XYLT1: variants seen among roughly 807,000 people sequenced by gnomAD.
XYLT1 encodes xylosyltransferase 1.
A neutral mutation model predicts 91.3 loss-of-function variants in XYLT1; 36 were observed. That is an observed-to-expected ratio of 0.39 (90% CI 0.30 to 0.52). The LOEUF is 0.52. Ranked by LOEUF, XYLT1 falls within the 20% of genes least tolerant of loss-of-function variation. The probability of loss-of-function intolerance (pLI) is 0.68; values close to 1 mark genes in which losing one functional copy is unlikely to be tolerated. For synonymous variants in XYLT1, 588 were observed against 532.0 expected (o/e 1.11, Z -1.45); for missense variants, 1,242 against 1,284.5 (o/e 0.97, Z 0.51).
At chr16:17,322,290 C>T (rs181072956) in intron 2 of XYLT1, among the ~76,000 whole-genome samples, 1 of 152,298 alleles carries the variant, frequency 6.6e-6, no homozygotes, top group Admixed American at 6.5e-5. Flanking sequence ...CCAGCTCACA[C>T]CTCCTAAGCC....
Position 17,108,914 on chromosome 16 carries a change from C to G in XYLT1, c.2661G>C (p.Gln887His), listed in dbSNP as rs1204890649. ...PVLSLPINPA[Q>H]VEQARRNAAS... ...CTGCGTTCCTCCGTGCCTGTTCCAC[C>G]TGGGCGGGGTTGATGGGCAGGCTGA... Residue 887 changes from glutamine to histidine, a missense_variant, in exon 12 of 12, where the codon CAG (glutamine) becomes CAC (histidine). Gln to His is a conservative substitution (Grantham distance 24, BLOSUM62 0). Around this residue, in one of 3 missense-constraint regions of XYLT1, gnomAD observed 511 missense variants for 497.0 expected, o/e 1.03. Transcript: ENST00000261381. 1 of 1,604,368 alleles carries G rather than the reference C, an allele frequency of 6.2e-7. No individual in the cohort carries two copies. The highest frequency in any genetic ancestry group is 2.2e-5 in the East Asian group (1 of 44,602).
intron 11 of XYLT1, among the ~76,000 whole-genome samples, chr16:17,116,874 C>A (rs753378310): frequency 6.6e-6 from 1 of 152,156 alleles, no homozygotes; most frequent in Non-Finnish European, 1.5e-5. Flanking sequence ...TTTCAATTTT[C>A]ATTTCTCCCA....
intron 1 of XYLT1, among the ~76,000 whole-genome samples, chr16:17,433,886 C>T (rs1389918076): frequency 6.6e-6 from 1 of 152,154 alleles, no homozygotes; most frequent in Non-Finnish European, 1.5e-5. Flanking sequence ...CCCCCACCCC[C>T]GCTTTTTTTT....
chr16:17,292,069 C>T (rs1266028767), intron 2 of XYLT1, among the ~76,000 whole-genome samples: 1 of 145,896 alleles, frequency 6.9e-6, no homozygotes, highest in East Asian at 1.9e-4. Context: ...CATGGTGGTG[C>T]CCACTAAACC....
At chr16:17,322,774 A>G (rs1025378972) in intron 2 of XYLT1, among the ~76,000 whole-genome samples, 8 of 152,066 alleles carry the variant, frequency 5.3e-5, no homozygotes, top group Admixed American at 3.9e-4. Flanking sequence ...AGCATTTCAC[A>G]CTTTAAAAGA....
At chr16:17,410,803 C>T (rs1438885475) in intron 1 of XYLT1, among the ~76,000 whole-genome samples, 4 of 152,002 alleles carry the variant, frequency 2.6e-5, no homozygotes, top group East Asian at 3.9e-4. Flanking sequence ...TCAGCATGCC[C>T]GGCTAATTTT....
At chr16:17,291,859 G>C (rs548206144) in intron 2 of XYLT1, among the ~76,000 whole-genome samples, 3 of 152,034 alleles carry the variant, frequency 2.0e-5, no homozygotes, top group Admixed American at 6.6e-5. Flanking sequence ...GTGTGGGGAC[G>C]AGGTGTGGTA....
At chr16:17,379,763 TCACACACACACACACACACA>T (rs71137987) in intron 1 of XYLT1, among the ~76,000 whole-genome samples, 2 of 125,546 alleles carry the variant, frequency 1.6e-5, no homozygotes, top group African/African-American at 6.3e-5. Context: ...TCTCTCTCTC[TCACACACACACACACACACA>T]CACACACACA....
In XYLT1 at chr16:17,141,180, G is replaced by C; in HGVS notation, c.1560C>G (p.Phe520Leu). 2 of 1,614,210 alleles carry C rather than the reference G, an allele frequency of 1.2e-6. No individual in the cohort carries two copies. Among genetic ancestry groups the C allele is most frequent in the Middle Eastern group, 1.6e-4 (1 of 6,062 alleles). Residue 520 changes from phenylalanine (F) to leucine (L), a missense_variant, in exon 7 of 12, where the codon TTC (phenylalanine) becomes TTG (leucine). Phe to Leu is a conservative substitution (Grantham distance 22, BLOSUM62 0). This residue lies in a region of XYLT1 where 294 missense variants were observed against 376.0 expected (regional missense o/e 0.78). Transcript: ENST00000261381. ...CAGCAGGAAGCAGGGTGTAGGAGTA[G>C]AACTGTTTCATCTTGGTCACCAGAT... ...TDDLVTKMKQ[F>L]YSYTLLPAES...
intron 3 of XYLT1, among the ~76,000 whole-genome samples, chr16:17,207,210 A>G (rs1166632249): frequency 2.0e-5 from 3 of 151,934 alleles, no homozygotes; most frequent in African/African-American, 7.2e-5. Context: ...GGCACCTGCC[A>G]CCACGCCTGG....
chr16:17,334,889 CAA>C (rs2034955686), intron 2 of XYLT1, among the ~76,000 whole-genome samples: 1 of 148,780 alleles, frequency 6.7e-6, no homozygotes, highest in African/African-American at 2.5e-5. Flanking sequence ...TCTCAAAAAA[CAA>C]AAACAAAAAA....
chr16:17,200,065 AC>A (rs573561063), intron 4 of XYLT1, among the ~76,000 whole-genome samples: 2,348 of 151,986 alleles, frequency 0.015, 61 homozygotes, highest in African/African-American at 0.054. Context: ...TACTAAAAAT[AC>A]AAAAATTAGC....
chr16:17,263,284 C>T (rs1447004305), intron 2 of XYLT1, among the ~76,000 whole-genome samples: 1 of 152,104 alleles, frequency 6.6e-6, no homozygotes, highest in Non-Finnish European at 1.5e-5. Flanking sequence ...CCCTCCACCC[C>T]CCACGGCCAA....
chr16:17,358,923 G>A (rs1021630316), intron 1 of XYLT1, among the ~76,000 whole-genome samples: 2 of 152,218 alleles, frequency 1.3e-5, no homozygotes, highest in South Asian at 2.1e-4. Context: ...CCAGAGAAAT[G>A]TCCTATTCAT....
At chr16:17,150,705 C>T (rs1284984231) in intron 6 of XYLT1, among the ~76,000 whole-genome samples, 1 of 152,050 alleles carries the variant, frequency 6.6e-6, no homozygotes, top group Non-Finnish European at 1.5e-5. Flanking sequence ...CACACTCTAG[C>T]CACAAGGTTC....
intron 6 of XYLT1, among the ~76,000 whole-genome samples, 198 bp downstream of exon 6, chr16:17,158,631 T>A (rs538145085): frequency 6.6e-6 from 1 of 152,220 alleles, no homozygotes; most frequent in South Asian, 2.1e-4. Flanking sequence ...ATGAGAAACA[T>A]CTATGGTTAT....
intron 7 of XYLT1, among the ~76,000 whole-genome samples, chr16:17,139,770 G>A (rs756027333): frequency 1.3e-5 from 2 of 152,242 alleles, no homozygotes; most frequent in Non-Finnish European, 2.9e-5. Context: ...AGAATTGAGA[G>A]AAGAGGTGAT....
chr16:17,227,827 GGGA>G (rs1165353635), intron 3 of XYLT1: 1 of 152,400 alleles, frequency 6.6e-6, no homozygotes, highest in African/African-American at 2.4e-5. Context: ...CAGGAGGCTG[GGGA>G]GGAGGAGACA....
intron 1 of XYLT1, among the ~76,000 whole-genome samples, chr16:17,423,283 T>C (rs566316632): frequency 9.8e-5 from 15 of 152,286 alleles, no homozygotes; most frequent in African/African-American, 3.6e-4. Context: ...TTTCATCTCA[T>C]GTGAAATTGC....
Sources: gnomAD v4.1 joint callset for allele counts (sites outside exome capture counted in the v4.1 genomes callset) on GRCh38, gnomAD v4.1.1 for gene constraint, gnomAD v4.1.1 regional missense constraint, MANE v1.5 for transcripts, NCBI Gene and HGNC (gene_info 2026-07-23, HGNC 2026-07-21) for gene names.